RABGAP1L: variants seen among roughly 807,000 people sequenced by gnomAD.
RABGAP1L encodes RAB GTPase activating protein 1 like.
A neutral mutation model predicts 137.7 loss-of-function variants in RABGAP1L; 63 were observed. The observed-to-expected ratio is 0.46, with a 90% CI of 0.37 to 0.56. The LOEUF (loss-of-function observed/expected upper bound fraction) is 0.56, where lower values mean the gene tolerates loss of function less well. RABGAP1L is among the 20% of genes least tolerant of loss of function. The pLI is 0.00. For missense variants in RABGAP1L, 1,095 were observed against 1,244.0 expected, an observed-to-expected ratio of 0.88 and a Z score of 1.80; for synonymous variants, 431 against 433.7, an observed-to-expected ratio of 0.99 and a Z score of 0.08.
At chr1:174,285,848 A>G (rs1676011000) in intron 10 of RABGAP1L, among the ~76,000 whole-genome samples, 1 of 152,132 alleles carries the variant, frequency 6.6e-6, no homozygotes, top group Non-Finnish European at 1.5e-5. Flanking sequence ...AGAAGATCAT[A>G]TGATTTTTAT....
rs554866626 is a variant in RABGAP1L, at chr1:174,266,535, A to G, written c.987-5879A>G. On this transcript the variant is annotated intron_variant, in intron 7 of 25. Coordinates refer to ENST00000681986, the MANE Select transcript of RABGAP1L (RefSeq NM_001366446.1). ...TTCAGTTACAACACTAGTCTCCCAA[A>G]CACATGGTTCAAATTTCTGTTACCA... Among the ~76,000 whole-genome samples the G allele has an allele frequency of 2.6e-5, 4 of 152,264 alleles. No homozygotes were observed. In the South Asian group the frequency reaches 8.3e-4, roughly 32 times the overall value.
intron 20 of RABGAP1L, chr1:174,957,790 C>T (rs1558281900): frequency 3.7e-6 from 4 of 1,069,028 alleles, no homozygotes; most frequent in South Asian, 2.7e-5. Flanking sequence ...TCTGTTCTTC[C>T]TTGATTGATT....
Position 174,221,096 on chromosome 1 carries a change from T to G in RABGAP1L, c.263T>G (p.Phe88Cys), listed in dbSNP as rs1229524182. The G allele has an allele frequency of 1.9e-6, 3 of 1,613,890 alleles. No homozygotes were observed. In the South Asian group the frequency reaches 3.3e-5, roughly 18 times the overall value. The stretch of plus-strand genomic sequence containing the variant: ...TCCAGTGAGATTTCAGACCATTCGT[T>G]TGGAGATATTCCAGCCAGCCAAACA... ...QSSSEISDHS[F>C]GDIPASQTNK... Residue 88 changes from phenylalanine to cysteine, a missense_variant, in exon 3 of 26, where the codon TTT becomes TGT. By Grantham distance (205) the Phe-to-Cys change is radical (BLOSUM62 -2). Coordinates refer to ENST00000681986, the MANE Select transcript of RABGAP1L (RefSeq NM_001366446.1).
chr1:174,348,768 G>T (rs1366832202), intron 11 of RABGAP1L, among the ~76,000 whole-genome samples: 1 of 150,358 alleles, frequency 6.7e-6, no homozygotes, highest in Non-Finnish European at 1.5e-5. Flanking sequence ...AGAGCACAGG[G>T]TTGGGGGTAA....
intron 17 of RABGAP1L, among the ~76,000 whole-genome samples, chr1:174,716,800 T>C (rs548088538): frequency 6.6e-6 from 1 of 152,342 alleles, no homozygotes; most frequent in South Asian, 2.1e-4. Context: ...AACAATTTCC[T>C]GCTGGTCCTC....
At chr1:174,688,417 A>G (rs1349997130) in intron 15 of RABGAP1L, among the ~76,000 whole-genome samples, 1 of 152,096 alleles carries the variant, frequency 6.6e-6, no homozygotes, top group Admixed American at 6.6e-5. Context: ...TCCAACTGCA[A>G]GAAGGATTAT....
chr1:174,627,459 C>T (rs887654357), intron 13 of RABGAP1L, among the ~76,000 whole-genome samples: 1 of 152,164 alleles, frequency 6.6e-6, no homozygotes, highest in Admixed American at 6.5e-5. Context: ...AGTGTATATA[C>T]GTTATACTGG....
chr1:174,776,772 T>C (rs773650337), intron 18 of RABGAP1L, among the ~76,000 whole-genome samples: 1 of 152,212 alleles, frequency 6.6e-6, no homozygotes, highest in Admixed American at 6.5e-5. Flanking sequence ...TACCATTAAT[T>C]TGATCTTTGC....
At chr1:174,514,262 A>C (rs868222347) in intron 13 of RABGAP1L, among the ~76,000 whole-genome samples, 1 of 151,294 alleles carries the variant, frequency 6.6e-6, no homozygotes, top group African/African-American at 2.4e-5. Flanking sequence ...AAAAAAAAAA[A>C]AAAAAAAACT....
At chr1:174,646,571 T>A (rs1385443830) in intron 14 of RABGAP1L, among the ~76,000 whole-genome samples, 1 of 152,184 alleles carries the variant, frequency 6.6e-6, no homozygotes, top group Non-Finnish European at 1.5e-5. Context: ...TTGGTCTATA[T>A]ATCTGTTTTG....
intron 19 of RABGAP1L, among the ~76,000 whole-genome samples, chr1:174,900,445 G>T (rs1359673703): frequency 6.6e-6 from 1 of 152,216 alleles, no homozygotes; most frequent in Non-Finnish European, 1.5e-5. Context: ...GTTGCTTGGT[G>T]TGTGTGGTCT....
intron 24 of RABGAP1L, among the ~76,000 whole-genome samples, chr1:174,986,100 G>A (rs2285208): frequency 0.76 from 115,101 of 152,108 alleles, 44,651 homozygotes; most frequent in African/African-American, 0.94. Context: ...CTCCACACCC[G>A]GCTAATTTTT....
chr1:174,247,207 A>G (rs1672338639), intron 5 of RABGAP1L, among the ~76,000 whole-genome samples: 1 of 152,226 alleles, frequency 6.6e-6, no homozygotes, highest in African/African-American at 2.4e-5. Context: ...GTGAAAAAGA[A>G]GAGATGAGAA....
intron 1 of RABGAP1L, among the ~76,000 whole-genome samples, chr1:174,218,663 A>G (rs1451965267): frequency 1.3e-5 from 2 of 152,176 alleles, no homozygotes; most frequent in Non-Finnish European, 2.9e-5. Flanking sequence ...TTGCAGGTAC[A>G]ATATTCGGTC....
chr1:174,186,934 T>C (rs1020977761), intron 1 of RABGAP1L, among the ~76,000 whole-genome samples: 1 of 152,186 alleles, frequency 6.6e-6, no homozygotes, highest in Non-Finnish European at 1.5e-5. Flanking sequence ...CTTAAAACTT[T>C]AAATCCTTAA....
chr1:174,227,940 C>G (rs1262152516), intron 3 of RABGAP1L, among the ~76,000 whole-genome samples: 1 of 150,722 alleles, frequency 6.6e-6, no homozygotes, highest in Non-Finnish European at 1.5e-5. Context: ...ACTTCTCGTG[C>G]TCTTCAGTTT....
intron 19 of RABGAP1L, among the ~76,000 whole-genome samples, chr1:174,925,231 G>A (rs972606540): frequency 9.2e-5 from 14 of 151,706 alleles, no homozygotes; most frequent in African/African-American, 3.1e-4. Flanking sequence ...CGGGCGTGGT[G>A]GCGGGCGCCT....
intron 19 of RABGAP1L, among the ~76,000 whole-genome samples, chr1:174,847,559 A>C (rs1388848250): frequency 1.4e-5 from 2 of 138,966 alleles, no homozygotes; most frequent in East Asian, 4.4e-4. Flanking sequence ...ATTGGCCCCC[A>C]CTCTCTTCTG....
intron 18 of RABGAP1L, among the ~76,000 whole-genome samples, chr1:174,766,595 A>G (rs1281366332): frequency 6.6e-6 from 1 of 152,196 alleles, no homozygotes; most frequent in Non-Finnish European, 1.5e-5. Flanking sequence ...TTTTCATATG[A>G]ATTTTAGGAT....
Sources: gnomAD v4.1 joint callset for allele counts (sites outside exome capture counted in the v4.1 genomes callset) on GRCh38, gnomAD v4.1.1 for gene constraint, MANE v1.5 for transcripts, NCBI Gene and HGNC (gene_info 2026-07-23, HGNC 2026-07-21) for gene names.